The following COG6 variants were observed in gnomAD, a reference collection of about 807,000 sequenced individuals.
COG6 encodes the protein conserved oligomeric Golgi complex subunit 6.
A neutral mutation model predicts 88.8 loss-of-function variants in COG6; 74 were observed. That is an observed-to-expected ratio of 0.83 (90% CI 0.69 to 1.01). The LOEUF (loss-of-function observed/expected upper bound fraction) is 1.01, where lower values mean the gene tolerates loss of function less well. Among genes scored for constraint, COG6 ranks in the 50% least tolerant of loss-of-function variants. The pLI is 0.00. For synonymous variants in COG6, 286 were observed against 278.7 expected (o/e 1.03, Z -0.26); for missense variants, 800 against 797.9 (o/e 1.00, Z -0.03).
At chr13:39,694,915 A>G (rs372627050) in intron 12 of COG6, among the ~76,000 whole-genome samples, 190 bp downstream of exon 12, 57 of 149,834 alleles carry the variant, frequency 3.8e-4, no homozygotes, top group African/African-American at 1.3e-3. Flanking sequence ...CTTAAGGTCT[A>G]TTATTTCCTT....
intron 10 of COG6, among the ~76,000 whole-genome samples, chr13:39,688,239 A>G (rs1393624534): frequency 2.0e-5 from 3 of 151,990 alleles, no homozygotes; most frequent in Non-Finnish European, 4.4e-5. Context: ...CTCTTTTTTC[A>G]TTCTCATGGC....
At chr13:39,701,181 C>G (rs1206088373) in intron 13 of COG6, among the ~76,000 whole-genome samples, 1 of 151,732 alleles carries the variant, frequency 6.6e-6, no homozygotes, top group Non-Finnish European at 1.5e-5. Flanking sequence ...ATCTTCAAAA[C>G]TTGATGACTG....
At chr13:39,767,195 T>G (rs1881190935) in intron 18 of COG6, among the ~76,000 whole-genome samples, 1 of 152,222 alleles carries the variant, frequency 6.6e-6, no homozygotes, top group Non-Finnish European at 1.5e-5. Context: ...ATTGTTAACG[T>G]TTATCTGCTT....
rs1593479051 is a variant in COG6 at position 39,761,173 on chromosome 13, A to G, written c.1827-27162A>G. Among the ~76,000 whole-genome samples the G allele has an allele frequency of 2.6e-5, 4 of 152,054 alleles. No homozygotes were observed. In the South Asian group the frequency reaches 8.3e-4, roughly 31 times the overall value. Reference sequence around the variant, plus strand: ...AAAATTTCCTTATTAGGGTAGTTTTAATGTCCTTCAAAAACACTGTAATTT... The same window carrying G: ...AAAATTTCCTTATTAGGGTAGTTTTGATGTCCTTCAAAAACACTGTAATTT... On this transcript the variant is annotated intron_variant, in intron 18 of 18. Transcript: ENST00000416691.
chr13:39,675,600 C>T (rs1007563146), intron 4 of COG6, among the ~76,000 whole-genome samples: 5 of 152,042 alleles, frequency 3.3e-5, no homozygotes, highest in African/African-American at 1.2e-4. Flanking sequence ...GTCTTTATCT[C>T]ATGATTGATT....
At chr13:39,657,717 A>G (rs986848085) in intron 1 of COG6, among the ~76,000 whole-genome samples, 7 of 152,206 alleles carry the variant, frequency 4.6e-5, no homozygotes, top group East Asian at 1.9e-4. Context: ...GTAGAAATGT[A>G]TATCTGCAGA....
intron 18 of COG6, among the ~76,000 whole-genome samples, chr13:39,776,068 C>G (rs534477971): frequency 1.3e-5 from 2 of 152,140 alleles, no homozygotes; most frequent in Admixed American, 6.5e-5. Context: ...TGCACCCGGT[C>G]GAAAGTTTTG....
chr13:39,687,007 G>A (rs1024771529), intron 8 of COG6, among the ~76,000 whole-genome samples: 7 of 152,168 alleles, frequency 4.6e-5, no homozygotes, highest in Admixed American at 3.9e-4. Flanking sequence ...AGGATTGCAG[G>A]TGTGAACCAC....
chr13:39,666,670 T>G (rs1420709264), intron 4 of COG6, among the ~76,000 whole-genome samples: 1 of 152,078 alleles, frequency 6.6e-6, no homozygotes, highest in Admixed American at 6.6e-5. Flanking sequence ...TTATAAAGAG[T>G]GCAGAGGTGT....
At chr13:39,663,115 TTTA>T (rs1434932363) in intron 3 of COG6, among the ~76,000 whole-genome samples, 5 of 151,872 alleles carry the variant, frequency 3.3e-5, no homozygotes, top group South Asian at 2.1e-4. Flanking sequence ...GATGCATATG[TTTA>T]TTATTAACTC....
intron 10 of COG6, among the ~76,000 whole-genome samples, chr13:39,688,473 G>A (rs549209341): frequency 2.0e-5 from 3 of 152,114 alleles, no homozygotes; most frequent in Non-Finnish European, 4.4e-5. Context: ...GTCACATGGT[G>A]ATTGAGGGAG....
intron 18 of COG6, among the ~76,000 whole-genome samples, chr13:39,762,220 G>A (rs1164891457): frequency 1.3e-5 from 2 of 151,880 alleles, no homozygotes; most frequent in Non-Finnish European, 2.9e-5. Flanking sequence ...TGCCAACATG[G>A]ATAACTTGGA....
intron 1 of COG6, chr13:39,656,842 T>A (rs1334095375): frequency 2.2e-6 from 1 of 456,054 alleles, no homozygotes; most frequent in Non-Finnish European, 4.4e-6. Context: ...GGAATCCTGC[T>A]GTTAAGTTTC....
At chr13:39,717,815 C>T (rs1027485790) in intron 13 of COG6, among the ~76,000 whole-genome samples, 1 of 152,068 alleles carries the variant, frequency 6.6e-6, no homozygotes, top group South Asian at 2.1e-4. Flanking sequence ...TGTGATTGCA[C>T]CACTGCACTT....
In COG6 at chr13:39,732,106, A is replaced by C. The variant is rs910544941; in HGVS notation, c.1826+4558A>C. Among the ~76,000 whole-genome samples the C allele has an allele frequency of 3.4e-4, 52 of 152,156 alleles. 2 individuals are homozygous for C. Among genetic ancestry groups the C allele is most frequent in the Non-Finnish European group, 5.9e-5 (4 of 68,030 alleles). ...GTGAATCTTCTTCACTCAGTCTTCC[A>C]ACTTACATGCCAATCTCCTGTGGAA... On this transcript the variant is annotated intron_variant, in intron 18 of 18. Coordinates refer to ENST00000455146, the MANE Select transcript of COG6 (RefSeq NM_020751.3).
intron 13 of COG6, among the ~76,000 whole-genome samples, chr13:39,705,047 C>A (rs1030658877): frequency 9.2e-5 from 14 of 152,052 alleles, no homozygotes; most frequent in African/African-American, 3.4e-4. Flanking sequence ...TTAGTTATAT[C>A]TTTTACTTAT....
intron 5 of COG6, 141 bp downstream of exon 5, chr13:39,677,720 A>G: frequency 1.8e-6 from 1 of 571,350 alleles, no homozygotes; most frequent in Non-Finnish European, 3.1e-6. Context: ...TAAGATGTGT[A>G]TTTTAATTAT....
At chr13:39,656,383 C>G in intron 1 of COG6, 1 of 343,274 alleles carries the variant, frequency 2.9e-6, no homozygotes, top group South Asian at 2.3e-5. Flanking sequence ...GAAAGAACTA[C>G]CTTTGCCCGT....
At chr13:39,707,456 C>T (rs569788334) in intron 13 of COG6, among the ~76,000 whole-genome samples, 8 of 152,236 alleles carry the variant, frequency 5.3e-5, no homozygotes, top group South Asian at 4.1e-4. Context: ...AGATATAGTA[C>T]CCAAGTCTAA....
Sources: allele counts gnomAD v4.1 joint callset (sites outside exome capture counted in the v4.1 genomes callset), GRCh38; gene constraint gnomAD v4.1.1; transcripts MANE v1.5; gene names NCBI Gene and HGNC (gene_info 2026-07-23, HGNC 2026-07-21).